The following SUMF1 variants were observed in gnomAD, a reference collection of about 807,000 sequenced individuals.
SUMF1 encodes the protein sulfatase modifying factor 1, also known as formylglycine-generating enzyme.
SUMF1 carries 48 observed loss-of-function variants against 47.6 expected under a neutral mutation model. The observed-to-expected ratio is 1.01, with a 90% CI of 0.80 to 1.28. The LOEUF is 1.28. SUMF1 is among the 50% of genes most tolerant of loss of function. SUMF1 has a pLI of 0.00. For synonymous variants in SUMF1, 230 were observed against 192.1 expected (o/e 1.20, Z -1.63); for missense variants, 571 against 485.4 (o/e 1.18, Z -1.66).
intron 8 of SUMF1, among the ~76,000 whole-genome samples, chr3:4,304,487 A>G (rs759514837): frequency 1.3e-5 from 2 of 152,190 alleles, no homozygotes; most frequent in African/African-American, 4.8e-5. Flanking sequence ...GCGTTACCCA[A>G]GGAATAAGGA....
chr3:4,371,978 A>C (rs1271887022), intron 8 of SUMF1, among the ~76,000 whole-genome samples: 1 of 152,150 alleles, frequency 6.6e-6, no homozygotes, highest in Non-Finnish European at 1.5e-5. Flanking sequence ...CTTTGGATAG[A>C]TTTTCAAAAA....
At chr3:4,040,737 C>T (rs1694893600) in intron 9 of SUMF1, among the ~76,000 whole-genome samples, 1 of 152,122 alleles carries the variant, frequency 6.6e-6, no homozygotes, top group African/African-American at 2.4e-5. Context: ...TACAGTTCAA[C>T]AGTGTGCAAT....
chr3:4,129,146 C>T (rs1280224417), intron 8 of SUMF1, among the ~76,000 whole-genome samples: 3 of 152,080 alleles, frequency 2.0e-5, no homozygotes, highest in African/African-American at 7.2e-5. Flanking sequence ...CTTTGAAGAG[C>T]CCTGTAATTG....
intron 8 of SUMF1, among the ~76,000 whole-genome samples, chr3:4,323,562 A>G (rs1027085568): frequency 1.3e-5 from 2 of 152,174 alleles, no homozygotes; most frequent in Admixed American, 1.3e-4. Flanking sequence ...ATTATAAGAA[A>G]AAGAAGAAAA....
At chr3:4,258,946 A>C (rs1423421446) in intron 8 of SUMF1, among the ~76,000 whole-genome samples, 1 of 146,654 alleles carries the variant, frequency 6.8e-6, no homozygotes, top group Admixed American at 6.8e-5. Flanking sequence ...AAAAAGGATG[A>C]GTTCATGTCC....
chr3:4,461,858 A>T (rs1386196918), intron 1 of SUMF1, among the ~76,000 whole-genome samples: 1 of 152,244 alleles, frequency 6.6e-6, no homozygotes, highest in African/African-American at 2.4e-5. Context: ...CCACATAAAA[A>T]GGACCATTTT....
chr3:4,081,843 G>C (rs1211276107), intron 8 of SUMF1, among the ~76,000 whole-genome samples: 1 of 152,066 alleles, frequency 6.6e-6, no homozygotes, highest in Non-Finnish European at 1.5e-5. Flanking sequence ...CAGGAACTCT[G>C]ACTGATAAAG....
At chr3:4,080,004 C>T (rs1692525321) in intron 8 of SUMF1, among the ~76,000 whole-genome samples, 1 of 151,814 alleles carries the variant, frequency 6.6e-6, no homozygotes, top group African/African-American at 2.4e-5. Context: ...CTTCGGTGTC[C>T]TTATCTGTAT....
chr3:4,384,063 A>C (rs1042556489), intron 7 of SUMF1, among the ~76,000 whole-genome samples: 1 of 142,986 alleles, frequency 7.0e-6, no homozygotes, highest in Non-Finnish European at 1.6e-5. Flanking sequence ...AAATAAATGC[A>C]GTCTTTTCTA....
intron 8 of SUMF1, among the ~76,000 whole-genome samples, chr3:4,192,361 A>G (rs1695334960): frequency 6.6e-6 from 1 of 152,164 alleles, no homozygotes; most frequent in African/African-American, 2.4e-5. Flanking sequence ...AAATAAGAAT[A>G]TAAAGCCAAA....
At chr3:4,294,930 G>C (rs879212821) in intron 8 of SUMF1, among the ~76,000 whole-genome samples, 1 of 152,138 alleles carries the variant, frequency 6.6e-6, no homozygotes, top group African/African-American at 2.4e-5. Flanking sequence ...CAATTCCTAC[G>C]TAGAGATCCG....
chr3:4,439,896 T>C (rs1702523607), intron 3 of SUMF1, among the ~76,000 whole-genome samples: 1 of 151,980 alleles, frequency 6.6e-6, no homozygotes, highest in Non-Finnish European at 1.5e-5. Flanking sequence ...TTCAAGATGG[T>C]GTTGCTTAAA....
intron 8 of SUMF1, among the ~76,000 whole-genome samples, chr3:4,098,421 T>C (rs1242953957): frequency 6.6e-6 from 1 of 152,168 alleles, no homozygotes; most frequent in African/African-American, 2.4e-5. Context: ...AAAAACTGTG[T>C]GCCTCACCTA....
In SUMF1 at chr3:4,211,103, C is replaced by CATATATATATATATATATATATATAT. The variant is rs3046240; in HGVS notation, c.1015-142359_1015-142358insATATATATATATATATATATATATAT. Among the ~76,000 whole-genome samples the CATATATATATATATATATATATATAT allele has an allele frequency of 2.6e-3, 236 of 91,224 alleles. 2 individuals are homozygous for CATATATATATATATATATATATATAT. The highest frequency in any genetic ancestry group is 6.2e-3 in the Middle Eastern group (1 of 162). The allele number at this position is 91,224 out of a possible 152,430, so 59.8% of individuals were successfully genotyped here. ...GAGTTAATACTCCTTAATAAACTCC[C>CATATATATATATATATATATATATAT]ATATATATATATATATATACACACA... On this transcript the variant is annotated intron_variant and NMD_transcript_variant, in intron 8 of 12. Coordinates refer to the SUMF1 transcript ENST00000448413.
intron 8 of SUMF1, among the ~76,000 whole-genome samples, chr3:4,222,290 G>T (rs1696083662): frequency 6.6e-6 from 1 of 151,760 alleles, no homozygotes. Flanking sequence ...GCTGCCTTTG[G>T]CCAGCACCAT....
At chr3:4,313,710 G>A (rs1297157598) in intron 8 of SUMF1, 1 of 1,614,046 alleles carries the variant, frequency 6.2e-7, no homozygotes, top group Admixed American at 1.7e-5. Context: ...AACCCAGCAT[G>A]TGTGGCTCAG....
intron 8 of SUMF1, among the ~76,000 whole-genome samples, chr3:4,348,037 C>T (rs1313265261): frequency 1.3e-5 from 2 of 152,132 alleles, no homozygotes; most frequent in African/African-American, 4.8e-5. Context: ...AGGACACAAA[C>T]AAATGGAAAA....
At chr3:4,392,029 T>C (rs1700883667) in intron 7 of SUMF1, among the ~76,000 whole-genome samples, 1 of 152,034 alleles carries the variant, frequency 6.6e-6, no homozygotes, top group Non-Finnish European at 1.5e-5. Flanking sequence ...GGTTTCTCCA[T>C]GTTACCAGGG....
At chr3:4,397,196 C>A (rs139116751) in intron 7 of SUMF1, among the ~76,000 whole-genome samples, 12 of 152,282 alleles carry the variant, frequency 7.9e-5, no homozygotes, top group African/African-American at 2.9e-4. Flanking sequence ...TAGAGAAATC[C>A]GTTTGTTTTA....
Sources: gnomAD v4.1 joint callset for allele counts (sites outside exome capture counted in the v4.1 genomes callset) on GRCh38, gnomAD v4.1.1 for gene constraint, MANE v1.5 for transcripts, NCBI Gene and HGNC (gene_info 2026-07-23, HGNC 2026-07-21) for gene names.